The following FAM13C variants were observed in gnomAD, a reference collection of about 807,000 sequenced individuals.
FAM13C encodes the protein family with sequence similarity 13 member C.
Under a neutral mutation model 73.2 loss-of-function variants are expected in FAM13C, and 37 were observed. That is an observed-to-expected ratio of 0.51 (90% CI 0.39 to 0.67). FAM13C has a LOEUF of 0.67. Ranked by LOEUF, FAM13C falls within the 30% of genes least tolerant of loss-of-function variation. The probability of loss-of-function intolerance (pLI) is 0.00; values close to 1 mark genes in which losing one functional copy is unlikely to be tolerated. For synonymous variants in FAM13C, 246 were observed against 260.9 expected, an observed-to-expected ratio of 0.94 and a Z score of 0.55; for missense variants, 589 against 715.6, an observed-to-expected ratio of 0.82 and a Z score of 2.02.
rs1269920017 is a variant in FAM13C at position 59,352,252 on chromosome 10, A to C, written c.324+18T>G. ...AATCACCCGTCTTGGCAAAAGCCTG[A>C]GAAGAGAGAGCTGCTACCTGACTTT... On this transcript the variant is annotated intron_variant, in intron 3 of 13. Coordinates refer to ENST00000618804, the MANE Select transcript of FAM13C (RefSeq NM_198215.4). The C allele has an allele frequency of 1.2e-6, 2 of 1,612,712 alleles. No homozygotes were observed. Among genetic ancestry groups the C allele is most frequent in the Non-Finnish European group, 1.7e-6 (2 of 1,179,812 alleles).
chr10:59,269,110 C>T (rs916810028), intron 7 of FAM13C, among the ~76,000 whole-genome samples: 3 of 151,864 alleles, frequency 2.0e-5, no homozygotes, highest in Non-Finnish European at 4.4e-5. Flanking sequence ...AAAGGATGGG[C>T]CTCTTTTCCA....
chr10:59,299,668 C>A (rs1241053385), intron 5 of FAM13C, among the ~76,000 whole-genome samples: 3 of 152,044 alleles, frequency 2.0e-5, no homozygotes, highest in African/African-American at 4.8e-5. Context: ...CCTTTCTGAT[C>A]TATTGAATGC....
chr10:59,273,349 A>C (rs765074297), intron 6 of FAM13C, among the ~76,000 whole-genome samples: 20 of 152,148 alleles, frequency 1.3e-4, no homozygotes, highest in African/African-American at 4.6e-4. Context: ...TATTATTATT[A>C]ATATAAGAAA....
At chr10:59,355,806 G>T (rs1855640204) in intron 2 of FAM13C, 81 bp downstream of exon 2, 4 of 1,248,508 alleles carry the variant, frequency 3.2e-6, no homozygotes, top group South Asian at 2.4e-5. Context: ...TCAAAGAAGA[G>T]ACTAGAATTC....
chr10:59,259,668 T>TATTTG (rs1842292399), intron 10 of FAM13C, among the ~76,000 whole-genome samples: 1 of 152,206 alleles, frequency 6.6e-6, no homozygotes, highest in South Asian at 2.1e-4. Context: ...AGCTACATTA[T>TATTTG]AGGTATATTT....
chr10:59,330,223 T>C (rs183178301), intron 3 of FAM13C, among the ~76,000 whole-genome samples: 28 of 152,290 alleles, frequency 1.8e-4, no homozygotes, highest in African/African-American at 5.8e-4. Flanking sequence ...TTGTATAAAA[T>C]AGGACCACAC....
rs760653668 is a variant in FAM13C, at chr10:59,362,489, C to T, written c.-29G>A. On this transcript the variant is annotated 5_prime_UTR_variant, in exon 1 of 14. Transcript: ENST00000618804. ...CCAAGTCTGGCCGGGGAGCCGTCTCCCTGATTGCTCTCCGGGAGTTAGAGC... is the reference window on the plus strand; with the variant it reads ...CCAAGTCTGGCCGGGGAGCCGTCTCTCTGATTGCTCTCCGGGAGTTAGAGC... The T allele has an allele frequency of 1.9e-6, 3 of 1,609,710 alleles. No individual in the cohort carries two copies. Among genetic ancestry groups the T allele is most frequent in the African/African-American group, 1.3e-5 (1 of 75,024 alleles).
chr10:59,250,304 G>GA (rs1338225397), intron 13 of FAM13C, among the ~76,000 whole-genome samples: 1 of 151,862 alleles, frequency 6.6e-6, no homozygotes, highest in Non-Finnish European at 1.5e-5. Flanking sequence ...TTTTATAAAA[G>GA]AAAAAAGTAT....
chr10:59,306,060 G>A (rs1848215071), intron 4 of FAM13C, among the ~76,000 whole-genome samples: 1 of 152,152 alleles, frequency 6.6e-6, no homozygotes, highest in Non-Finnish European at 1.5e-5. Flanking sequence ...TTTCTATAGA[G>A]TAGCACCAGC....
chr10:59,268,990 G>A (rs552232782), intron 7 of FAM13C, among the ~76,000 whole-genome samples: 1 of 152,232 alleles, frequency 6.6e-6, no homozygotes, highest in Admixed American at 6.5e-5. Flanking sequence ...GTACTGTTGA[G>A]GTTCTGTCCT....
intron 8 of FAM13C, among the ~76,000 whole-genome samples, chr10:59,267,889 G>C (rs1843241922): frequency 6.6e-6 from 1 of 152,126 alleles, no homozygotes; most frequent in African/African-American, 2.4e-5. Context: ...GGTCACTACT[G>C]GAGAAAATAA....
At chr10:59,258,426 T>C (rs1842151934) in intron 10 of FAM13C, among the ~76,000 whole-genome samples, 1 of 152,230 alleles carries the variant, frequency 6.6e-6, no homozygotes, top group African/African-American at 2.4e-5. Flanking sequence ...ATGGCTGCAG[T>C]GAGCTATGAT....
intron 3 of FAM13C, among the ~76,000 whole-genome samples, chr10:59,340,489 C>T (rs1441375758): frequency 6.6e-6 from 1 of 152,140 alleles, no homozygotes; most frequent in Non-Finnish European, 1.5e-5. Context: ...AGATTCCTGC[C>T]TGGCACTTGG....
chr10:59,272,552 AC>A (rs1436640739), intron 6 of FAM13C, among the ~76,000 whole-genome samples: 2 of 152,174 alleles, frequency 1.3e-5, no homozygotes, highest in African/African-American at 4.8e-5. Context: ...CTAAGGTGGA[AC>A]CTTTGTTCCC....
At chr10:59,274,187 G>GA (rs1844057441) in intron 6 of FAM13C, among the ~76,000 whole-genome samples, 1 of 151,134 alleles carries the variant, frequency 6.6e-6, no homozygotes. Context: ...CAGAGGGCCA[G>GA]AAAAACAAAG....
rs78422182 is a variant in FAM13C at position 59,265,335 on chromosome 10, G to GGGGGGGGA, written c.943-1170_943-1169insTCCCCCCC. Reference sequence around the variant, plus strand: ...AAGGGGTTTTGGCGGGGGGGGGGGGGAATCCTGGTTTCAGGACCATGGACA... The same window carrying GGGGGGGGA: ...AAGGGGTTTTGGCGGGGGGGGGGGGGGGGGGGGAAATCCTGGTTTCAGGACCATGGACA... On this transcript the variant is annotated intron_variant, in intron 8 of 13. Coordinates refer to ENST00000618804, the MANE Select transcript of FAM13C (RefSeq NM_198215.4). Among the ~76,000 whole-genome samples the GGGGGGGGA allele has an allele frequency of 1.8e-3, 29 of 16,038 alleles. 3 individuals are homozygous for GGGGGGGGA. The highest frequency in any genetic ancestry group is 4.3e-3 in the African/African-American group (15 of 3,496). The allele number at this position is 16,038 out of a possible 152,430, so 10.5% of individuals were successfully genotyped here.
chr10:59,321,994 A>G (rs1850369703), intron 4 of FAM13C, among the ~76,000 whole-genome samples: 1 of 152,198 alleles, frequency 6.6e-6, no homozygotes, highest in South Asian at 2.1e-4. Context: ...ACTCTGAACC[A>G]GACCTAGGTC....
intron 4 of FAM13C, among the ~76,000 whole-genome samples, chr10:59,304,761 GAGGGAAGGGAAGGGA>G (rs1191616510): frequency 7.3e-5 from 3 of 41,154 alleles, no homozygotes; most frequent in South Asian, 1.6e-3. Flanking sequence ...TAAATAAAAA[GAGGGAAGGGAAGGGA>G]AGGGAAGGGA....
At chr10:59,341,693 G>T (rs564819135) in intron 3 of FAM13C, among the ~76,000 whole-genome samples, 1 of 151,790 alleles carries the variant, frequency 6.6e-6, no homozygotes, top group Admixed American at 6.6e-5. Flanking sequence ...CCTCCTTCTC[G>T]AAAAAAGGAA....
Sources: gnomAD v4.1 joint callset for allele counts (sites outside exome capture counted in the v4.1 genomes callset) on GRCh38, gnomAD v4.1.1 for gene constraint, MANE v1.5 for transcripts, NCBI Gene and HGNC (gene_info 2026-07-23, HGNC 2026-07-21) for gene names.